The following WDR70 variants were observed in gnomAD, a reference collection of about 807,000 sequenced individuals.
The protein encoded by WDR70 is WD repeat-containing protein 70.
WDR70 carries 53 observed loss-of-function variants against 88.6 expected under a neutral mutation model. That is an observed-to-expected ratio of 0.60 (90% CI 0.48 to 0.75). WDR70 has a LOEUF of 0.75. Ranked by LOEUF, WDR70 falls within the 30% of genes least tolerant of loss-of-function variation. The probability of loss-of-function intolerance (pLI) is 0.00; values close to 1 mark genes in which losing one functional copy is unlikely to be tolerated. For synonymous variants in WDR70, 280 were observed against 270.0 expected (o/e 1.04, Z -0.36); for missense variants, 610 against 823.2 (o/e 0.74, Z 3.17).
intron 10 of WDR70, chr5:37,687,848 C>G: frequency 1.7e-6 from 1 of 606,036 alleles, no homozygotes; most frequent in Non-Finnish European, 3.1e-6. Context: ...GTGAAAAGCA[C>G]AGGGAAGGAA....
rs111805780 is a variant in WDR70 at position 37,473,314 on chromosome 5, C to G, written c.687-6520C>G. ...ATCCTTTGCATTACAAATATTTTCT[C>G]CTACTCTGTAGCTTGGTGTATTCAT... On this transcript the variant is annotated intron_variant, in intron 7 of 17. Coordinates refer to ENST00000265107, the MANE Select transcript of WDR70 (RefSeq NM_018034.4). 8.1e-3 allele frequency among the ~76,000 whole-genome samples: 1,212 copies of G among 149,816 alleles called. 9 individuals carry two copies. Among genetic ancestry groups the G allele is most frequent in the African/African-American group, 0.02 (825 of 40,996 alleles).
chr5:37,499,590 TCTCTCTCTCTCTCTCTCTC>T (rs1740338319), intron 8 of WDR70, among the ~76,000 whole-genome samples: 2 of 134,508 alleles, frequency 1.5e-5, no homozygotes, highest in East Asian at 2.2e-4. Context: ...GGAAATATTC[TCTCTCTCTCTCTCTCTCTC>T]TCTCTCTCTC....
In WDR70 at chr5:37,516,725, A is replaced by ATATACATATATATT. The variant is rs1197472263; in HGVS notation, c.917+136_917+137insATACATATATATTT. The stretch of plus-strand genomic sequence containing the variant: ...TCTTATTATATACATATATATATAT[A>ATATACATATATATT]TTTTTTTTTTTTTTAAGGGGGAGTC... On this transcript the variant is annotated intron_variant, in intron 9 of 17. Coordinates refer to ENST00000265107, the MANE Select transcript of WDR70 (RefSeq NM_018034.4). The ATATACATATATATT allele has an allele frequency of 1.2e-3, 156 of 128,062 alleles. 1 individual carries two copies. The highest frequency in any genetic ancestry group is 4.4e-3 in the African/African-American group (151 of 34,666). 7.9% of individuals were successfully genotyped at this position (128,062 alleles called of 1,614,324 possible).
chr5:37,432,686 G>A (rs536316335), intron 5 of WDR70, among the ~76,000 whole-genome samples: 8 of 151,062 alleles, frequency 5.3e-5, no homozygotes, highest in Non-Finnish European at 8.8e-5. Flanking sequence ...ATGAGCCACC[G>A]CGCCCGGCCT....
chr5:37,558,968 G>A (rs898185901), intron 9 of WDR70, among the ~76,000 whole-genome samples: 20 of 148,882 alleles, frequency 1.3e-4, no homozygotes, highest in Non-Finnish European at 3.0e-5. Context: ...ATCTAGCTCC[G>A]TCGCCTGGGC....
Position 37,563,289 on chromosome 5 carries a change from G to T in WDR70, c.918-41775G>T, listed in dbSNP as rs1241862971. 5.7e-5 allele frequency among the ~76,000 whole-genome samples: 3 copies of T among 53,074 alleles called. 1 individual carries two copies. Among genetic ancestry groups the T allele is most frequent in the Admixed American group, 1.7e-4 (1 of 5,776 alleles). 34.8% of individuals were successfully genotyped at this position (53,074 alleles called of 152,430 possible). On this transcript the variant is annotated intron_variant, in intron 9 of 17. Transcript: ENST00000265107. ...CCCTCACTTTCCGGATGGGGCGGCT[G>T]GCCGGGCGGGGGGCTGGCCCCCCAC...
chr5:37,641,841 C>T (rs1379024264), intron 10 of WDR70, among the ~76,000 whole-genome samples: 1 of 152,166 alleles, frequency 6.6e-6, no homozygotes, highest in Non-Finnish European at 1.5e-5. Flanking sequence ...GAAACACTTA[C>T]TTTTGCATAC....
intron 5 of WDR70, among the ~76,000 whole-genome samples, chr5:37,436,466 G>A (rs1178562133): frequency 6.6e-6 from 1 of 152,156 alleles, no homozygotes; most frequent in Admixed American, 6.6e-5. Flanking sequence ...GCAAAGGACA[G>A]TTTCAAGATG....
At chr5:37,460,942 G>A (rs1387374413) in intron 7 of WDR70, among the ~76,000 whole-genome samples, 1 of 151,346 alleles carries the variant, frequency 6.6e-6, no homozygotes, top group Admixed American at 6.6e-5. Context: ...TTTGACTTGC[G>A]TTTCATCTTG....
chr5:37,699,781 C>G (rs969222510), intron 11 of WDR70, among the ~76,000 whole-genome samples: 2 of 151,640 alleles, frequency 1.3e-5, no homozygotes, highest in South Asian at 2.1e-4. Context: ...AACCCTGTCT[C>G]TACGAAAAAT....
rs201060784 is a variant in WDR70 at position 37,466,502 on chromosome 5, C to T, written c.687-13332C>T. 2.8e-4 allele frequency among the ~76,000 whole-genome samples: 42 copies of T among 151,432 alleles called. No individual in the cohort carries two copies. In the East Asian group the frequency reaches 7.8e-3, roughly 28 times the overall value. On this transcript the variant is annotated intron_variant, in intron 7 of 17. Coordinates refer to ENST00000265107, the MANE Select transcript of WDR70 (RefSeq NM_018034.4). Reference sequence around the variant, plus strand: ...CGGGCAGATCATGAGGTCAGGAGATCGAGACCATCCTTACTAAGATGGTGA... The same window carrying T: ...CGGGCAGATCATGAGGTCAGGAGATTGAGACCATCCTTACTAAGATGGTGA...
At chr5:37,649,614 G>T (rs770430613) in intron 10 of WDR70, among the ~76,000 whole-genome samples, 3 of 151,290 alleles carry the variant, frequency 2.0e-5, no homozygotes, top group Non-Finnish European at 4.4e-5. Flanking sequence ...GACTATAGAT[G>T]TGATACAAGT....
At chr5:37,528,254 A>G (rs1415961824) in intron 9 of WDR70, among the ~76,000 whole-genome samples, 1 of 152,230 alleles carries the variant, frequency 6.6e-6, no homozygotes, top group Admixed American at 6.5e-5. Flanking sequence ...GATAGACTGG[A>G]TTAAGAAAAT....
intron 10 of WDR70, among the ~76,000 whole-genome samples, chr5:37,637,763 C>T (rs1745012006): frequency 1.3e-5 from 2 of 152,224 alleles, no homozygotes; most frequent in Admixed American, 6.5e-5. Context: ...GCACAGTTCT[C>T]ACTCCAAAAG....
chr5:37,518,351 C>G (rs550611242), intron 9 of WDR70, among the ~76,000 whole-genome samples: 21 of 151,992 alleles, frequency 1.4e-4, no homozygotes, highest in African/African-American at 5.1e-4. Context: ...CATTCCCATA[C>G]TCCGCTACCC....
At chr5:37,661,587 C>T (rs1469303755) in intron 10 of WDR70, among the ~76,000 whole-genome samples, 7 of 152,092 alleles carry the variant, frequency 4.6e-5, no homozygotes, top group African/African-American at 1.4e-4. Flanking sequence ...TTCAAGCATT[C>T]GGGGATCAGA....
rs566257029 is a variant in WDR70 at position 37,652,910 on chromosome 5, TC to T, written c.1093-44743del. On this transcript the variant is annotated intron_variant, in intron 10 of 17. Transcript: ENST00000265107. Reference sequence around the variant, plus strand: ...ACAGAGACAATTTGATTTCCTCTCTTCCTATTCCAGTACCCTTTATTTATGT... The same window carrying T: ...ACAGAGACAATTTGATTTCCTCTCTTCTATTCCAGTACCCTTTATTTATGT... Among the ~76,000 whole-genome samples, 8 of 152,314 alleles carry T rather than the reference TC, an allele frequency of 5.3e-5. No homozygotes were observed. In the South Asian group the frequency reaches 1.7e-3, roughly 32 times the overall value.
chr5:37,504,587 A>G (rs1361427223), intron 8 of WDR70, among the ~76,000 whole-genome samples: 5 of 152,230 alleles, frequency 3.3e-5, no homozygotes, highest in African/African-American at 9.6e-5. Flanking sequence ...TTATCTCTCA[A>G]TACAATACTT....
intron 7 of WDR70, among the ~76,000 whole-genome samples, chr5:37,464,684 G>C (rs1739104096): frequency 6.6e-6 from 1 of 152,168 alleles, no homozygotes; most frequent in Non-Finnish European, 1.5e-5. Context: ...GTAGAAATCT[G>C]TCTCATCAGA....
Sources: allele counts gnomAD v4.1 joint callset (sites outside exome capture counted in the v4.1 genomes callset), GRCh38; gene constraint gnomAD v4.1.1; transcripts MANE v1.5; gene names NCBI Gene and HGNC (gene_info 2026-07-23, HGNC 2026-07-21).